BACH2: variants seen among roughly 807,000 people sequenced by gnomAD.
The protein encoded by BACH2 is BACH transcriptional regulator 2, also known as transcription regulator protein BACH2.
Under a neutral mutation model 61.8 loss-of-function variants are expected in BACH2, and 5 were observed. The observed-to-expected ratio is 0.08, with a 90% CI of 0.04 to 0.17. The LOEUF (loss-of-function observed/expected upper bound fraction) is 0.17. Among genes scored for constraint, BACH2 ranks in the 10% least tolerant of loss-of-function variants. BACH2 has a pLI of 1.00. For missense variants in BACH2, 824 were observed against 1,091.1 expected (o/e 0.76, Z 3.45); for synonymous variants, 446 against 440.1 (o/e 1.01, Z -0.17).
At chr6:90,040,840 T>C (rs182009273) in intron 5 of BACH2, among the ~76,000 whole-genome samples, 13 of 152,286 alleles carry the variant, frequency 8.5e-5, no homozygotes, top group African/African-American at 1.7e-4. Flanking sequence ...CTATTGTAAA[T>C]AGGATATTAA....
At chr6:90,142,770 T>C (rs1032562392) in intron 4 of BACH2, among the ~76,000 whole-genome samples, 1 of 152,196 alleles carries the variant, frequency 6.6e-6, no homozygotes, top group African/African-American at 2.4e-5. Context: ...ATAAAAGATT[T>C]AAATTTTCTT....
chr6:90,196,045 G>A (rs1220049288), intron 4 of BACH2, among the ~76,000 whole-genome samples: 3 of 151,936 alleles, frequency 2.0e-5, no homozygotes, highest in Non-Finnish European at 2.9e-5. Flanking sequence ...ACGGAGTTTT[G>A]ACTTTAGGTA....
chr6:90,062,871 A>G (rs1360838622), intron 5 of BACH2: 2 of 975,778 alleles, frequency 2.0e-6, no homozygotes, highest in Admixed American at 1.2e-4. Context: ...CTTTAGACAG[A>G]TGAAAGGCTG....
intron 1 of BACH2, among the ~76,000 whole-genome samples, chr6:90,291,967 A>C (rs1328867203): frequency 6.6e-6 from 1 of 152,224 alleles, no homozygotes; most frequent in African/African-American, 2.4e-5. Flanking sequence ...AGACAGGGAA[A>C]GGAGAAAAAC....
At chr6:90,063,237 T>C (rs1269689419) in intron 5 of BACH2, among the ~76,000 whole-genome samples, 1 of 152,188 alleles carries the variant, frequency 6.6e-6, no homozygotes, top group African/African-American at 2.4e-5. Context: ...CTTCTACTAT[T>C]TTGAGGCTAA....
chr6:89,933,335 A>T (rs1456415402), intron 8 of BACH2, among the ~76,000 whole-genome samples: 3 of 152,170 alleles, frequency 2.0e-5, no homozygotes, highest in Non-Finnish European at 4.4e-5. Context: ...TTTCGAAAAA[A>T]GCAAAACTAT....
At chr6:89,964,678 G>A (rs999671760) in intron 6 of BACH2, among the ~76,000 whole-genome samples, 16 of 152,164 alleles carry the variant, frequency 1.1e-4, no homozygotes, top group African/African-American at 9.7e-5. Context: ...AACCACTCAG[G>A]TATTCAACTA....
intron 6 of BACH2, among the ~76,000 whole-genome samples, chr6:89,983,953 C>T (rs922599570): frequency 1.3e-5 from 2 of 152,200 alleles, no homozygotes; most frequent in Non-Finnish European, 2.9e-5. Context: ...TTGCAACAAC[C>T]TGGCTGTTGT....
intron 4 of BACH2, among the ~76,000 whole-genome samples, chr6:90,183,746 T>C (rs1768250586): frequency 1.3e-5 from 2 of 152,214 alleles, no homozygotes; most frequent in Admixed American, 1.3e-4. Context: ...TCAAGGATGT[T>C]TGACTGGGTT....
At chr6:90,193,311 C>T (rs906290001) in intron 4 of BACH2, among the ~76,000 whole-genome samples, 3 of 152,042 alleles carry the variant, frequency 2.0e-5, no homozygotes, top group African/African-American at 7.2e-5. Context: ...AGAGAGTGTG[C>T]CCCTAATCCA....
chr6:90,103,023 A>AT (rs1782731150), intron 4 of BACH2, among the ~76,000 whole-genome samples: 1 of 28,296 alleles, frequency 3.5e-5, no homozygotes, highest in Non-Finnish European at 6.5e-5. Context: ...ATATATATAT[A>AT]TATATATTTT....
chr6:90,271,412 AAAAAG>A (rs952116282), intron 2 of BACH2, among the ~76,000 whole-genome samples: 1 of 151,278 alleles, frequency 6.6e-6, no homozygotes, highest in Non-Finnish European at 1.5e-5. Flanking sequence ...GAAAAGAAAA[AAAAAG>A]AAAAGAAAAA....
chr6:90,123,525 C>T (rs1321502816), intron 4 of BACH2, among the ~76,000 whole-genome samples: 3 of 151,672 alleles, frequency 2.0e-5, no homozygotes, highest in Non-Finnish European at 4.4e-5. Context: ...AATCCCAGCA[C>T]TTTGGGAGGC....
Position 90,028,024 on chromosome 6 carries a change from T to C in BACH2, c.-12-19168A>G, listed in dbSNP as rs150012986. The stretch of plus-strand genomic sequence containing the variant: ...CCTGGGGAAGGGCCAATTTGCTTAA[T>C]TTCCATCCAAGACCTGCAAGAGAAT... On this transcript the variant is annotated intron_variant, in intron 5 of 8. Transcript: ENST00000257749. 1.7e-3 allele frequency among the ~76,000 whole-genome samples: 255 copies of C among 152,346 alleles called. 1 individual carries two copies. Among genetic ancestry groups the C allele is most frequent in the African/African-American group, 6.0e-3 (248 of 41,582 alleles).
At chr6:90,295,951 G>C (rs1363780787) in intron 1 of BACH2, among the ~76,000 whole-genome samples, 1 of 152,228 alleles carries the variant, frequency 6.6e-6, no homozygotes, top group South Asian at 2.1e-4. Context: ...CCGCGGCCAA[G>C]GTCCTCGCGG....
chr6:90,164,682 A>G (rs1408958226), intron 4 of BACH2, among the ~76,000 whole-genome samples: 22 of 151,502 alleles, frequency 1.5e-4, no homozygotes, highest in Non-Finnish European at 2.1e-4. Flanking sequence ...CTGGCAAAAC[A>G]AATCCAGCAG....
intron 7 of BACH2, among the ~76,000 whole-genome samples, chr6:89,942,255 C>A (rs58205153): frequency 0.16 from 24,678 of 152,056 alleles, 2,163 homozygotes; most frequent in African/African-American, 0.21. Context: ...AGTTCCAAGC[C>A]AAGAACATCT....
intron 8 of BACH2, among the ~76,000 whole-genome samples, chr6:89,936,822 G>A (rs1773054083): frequency 1.3e-5 from 2 of 152,090 alleles, no homozygotes; most frequent in Non-Finnish European, 2.9e-5. Context: ...GTTCTCATTA[G>A]CTGGTGGCTC....
chr6:90,142,685 C>T (rs1784499906), intron 4 of BACH2, among the ~76,000 whole-genome samples: 1 of 151,914 alleles, frequency 6.6e-6, no homozygotes, highest in African/African-American at 2.4e-5. Flanking sequence ...TTCATGTATA[C>T]ACAATGAAAA....
Sources: allele counts gnomAD v4.1 joint callset (sites outside exome capture counted in the v4.1 genomes callset), GRCh38; gene constraint gnomAD v4.1.1; transcripts MANE v1.5; gene names NCBI Gene and HGNC (gene_info 2026-07-23, HGNC 2026-07-21).